The following ADGRB3 variants were observed in gnomAD, a reference collection of about 807,000 sequenced individuals.
ADGRB3 encodes the protein adhesion G protein-coupled receptor B3.
A neutral mutation model predicts 193.4 loss-of-function variants in ADGRB3; 37 were observed. That is an observed-to-expected ratio of 0.19 (90% CI 0.15 to 0.25). The LOEUF (loss-of-function observed/expected upper bound fraction) is 0.25, where lower values mean the gene tolerates loss of function less well. Among genes scored for constraint, ADGRB3 ranks in the 10% least tolerant of loss-of-function variants. ADGRB3 has a pLI of 1.00. For missense variants in ADGRB3, 1,637 were observed against 1,852.9 expected, an observed-to-expected ratio of 0.88 and a Z score of 2.14; for synonymous variants, 690 against 644.2, an observed-to-expected ratio of 1.07 and a Z score of -1.08.
intron 28 of ADGRB3, among the ~76,000 whole-genome samples, chr6:69,359,989 GA>G (rs903053869): frequency 6.0e-5 from 9 of 150,244 alleles, no homozygotes; most frequent in South Asian, 2.1e-4. Flanking sequence ...GGCAAAAAGA[GA>G]AAAAAAAACT....
intron 21 of ADGRB3, 148 bp from the exon 22 acceptor site, chr6:69,327,672 T>C: frequency 2.0e-6 from 1 of 509,272 alleles, no homozygotes. Context: ...TTGAAAGAAA[T>C]CCTGTAATAG....
At chr6:68,817,794 G>T (rs1236927686) in intron 3 of ADGRB3, among the ~76,000 whole-genome samples, 1 of 151,922 alleles carries the variant, frequency 6.6e-6, no homozygotes, top group Non-Finnish European at 1.5e-5. Flanking sequence ...AAAAACAGTG[G>T]TATTGTACAT....
intron 3 of ADGRB3, among the ~76,000 whole-genome samples, chr6:68,913,563 C>A (rs911337736): frequency 6.6e-6 from 1 of 152,072 alleles, no homozygotes; most frequent in African/African-American, 2.4e-5. Flanking sequence ...CATCAAAGAC[C>A]AAAAGTAGAT....
intron 3 of ADGRB3, among the ~76,000 whole-genome samples, chr6:68,836,161 T>C (rs1768042672): frequency 6.6e-6 from 1 of 152,104 alleles, no homozygotes; most frequent in Non-Finnish European, 1.5e-5. Context: ...AGAAATGCCA[T>C]GAAGCTCTTT....
rs1770327265 is a variant in ADGRB3 at position 69,023,385 on chromosome 6, CAT to C, written c.2107+4887_2107+4888del. 3.9e-5 allele frequency among the ~76,000 whole-genome samples: 6 copies of C among 152,184 alleles called. No homozygotes were observed. The South Asian group carries it at 1.2e-3, about 32-fold the overall frequency. On this transcript the variant is annotated intron_variant, in intron 13 of 31. Coordinates refer to ENST00000370598, the MANE Select transcript of ADGRB3 (RefSeq NM_001704.3). Reference sequence around the variant, plus strand: ...AAGAAAAACTTCTTAGAGAAGGAAGCATTTAATGTAGACTTTGAAGAATGGCT... The same window carrying C: ...AAGAAAAACTTCTTAGAGAAGGAAGCTTAATGTAGACTTTGAAGAATGGCT...
chr6:68,797,611 A>G (rs1767236109), intron 3 of ADGRB3, among the ~76,000 whole-genome samples: 2 of 152,116 alleles, frequency 1.3e-5, no homozygotes, highest in Admixed American at 1.3e-4. Context: ...TAGGCCTGGA[A>G]GCTCCTATTT....
chr6:69,275,197 T>C (rs910748867), intron 20 of ADGRB3, among the ~76,000 whole-genome samples: 2 of 152,136 alleles, frequency 1.3e-5, no homozygotes, highest in Admixed American at 1.3e-4. Context: ...CTTCCCAGAA[T>C]CTCACAGATG....
Position 69,343,259 on chromosome 6 carries a change from G to A in ADGRB3, c.3459+3755G>A, listed in dbSNP as rs574589532. On this transcript the variant is annotated intron_variant, in intron 26 of 31. Coordinates refer to ENST00000370598, the MANE Select transcript of ADGRB3 (RefSeq NM_001704.3). ...GCAGGTTAGTTACATATGTATACAT[G>A]TGCCATGCTGGTGCGCTGCACCCAC... Among the ~76,000 whole-genome samples, 37 of 146,436 alleles carry A rather than the reference G, an allele frequency of 2.5e-4. No individual in the cohort carries two copies. The South Asian group carries it at 3.7e-3, about 15-fold the overall frequency.
chr6:68,797,408 A>G (rs55840344), intron 3 of ADGRB3, among the ~76,000 whole-genome samples: 4,346 of 147,244 alleles, frequency 0.03, 102 homozygotes, highest in African/African-American at 0.06. Flanking sequence ...TTTGAAGCCA[A>G]AAAAAAAAAA....
intron 3 of ADGRB3, among the ~76,000 whole-genome samples, chr6:68,853,703 T>C (rs772660570): frequency 8.5e-5 from 13 of 152,086 alleles, no homozygotes; most frequent in Non-Finnish European, 1.5e-4. Context: ...AAAATGTCTT[T>C]GGTAGTAACT....
At chr6:68,974,059 T>C (rs1368439697) in intron 8 of ADGRB3, among the ~76,000 whole-genome samples, 1 of 152,232 alleles carries the variant, frequency 6.6e-6, no homozygotes, top group East Asian at 1.9e-4. Flanking sequence ...AAAAGTTACG[T>C]ATTTTTACTC....
chr6:69,012,576 G>C (rs1769968263), intron 11 of ADGRB3, among the ~76,000 whole-genome samples: 1 of 152,030 alleles, frequency 6.6e-6, no homozygotes, highest in Non-Finnish European at 1.5e-5. Flanking sequence ...GTACAAAAAG[G>C]CTGAAAGAAT....
intron 17 of ADGRB3, among the ~76,000 whole-genome samples, chr6:69,122,813 C>T (rs1364732976): frequency 6.6e-6 from 1 of 151,872 alleles, no homozygotes; most frequent in Non-Finnish European, 1.5e-5. Flanking sequence ...TATGGCAGAA[C>T]AAAGCTGGTT....
chr6:68,743,209 T>C (rs1033819342), intron 3 of ADGRB3, among the ~76,000 whole-genome samples: 9 of 152,060 alleles, frequency 5.9e-5, no homozygotes, highest in Admixed American at 2.6e-4. Flanking sequence ...ATCTGCCAAG[T>C]CTCATCTTTT....
chr6:69,382,807 G>A (rs1328722), intron 30 of ADGRB3, 24 bp from the exon 31 acceptor site: 17,839 of 1,501,918 alleles, frequency 0.012, 302 homozygotes, highest in South Asian at 0.048. Context: ...TTGGGGATGA[G>A]AGCTATCTTG....
At chr6:68,763,614 A>T (rs1766454728) in intron 3 of ADGRB3, among the ~76,000 whole-genome samples, 1 of 152,218 alleles carries the variant, frequency 6.6e-6, no homozygotes, top group African/African-American at 2.4e-5. Context: ...AGATGTTATC[A>T]GAAGTGATGG....
chr6:69,330,607 GGA>G, intron 23 of ADGRB3, 35 bp downstream of exon 23: 1 of 1,500,290 alleles, frequency 6.7e-7, no homozygotes, highest in Non-Finnish European at 8.9e-7. Context: ...TGTTTTCTTA[GGA>G]AAAAAAAAAA....
intron 3 of ADGRB3, among the ~76,000 whole-genome samples, chr6:68,735,624 G>C (rs2127336073): frequency 6.6e-6 from 1 of 152,122 alleles, no homozygotes; most frequent in East Asian, 1.9e-4. Flanking sequence ...TCTAAGTTTT[G>C]AGGTTATAAT....
At chr6:68,883,751 G>C (rs932934623) in intron 3 of ADGRB3, among the ~76,000 whole-genome samples, 2 of 152,104 alleles carry the variant, frequency 1.3e-5, no homozygotes, top group Non-Finnish European at 2.9e-5. Flanking sequence ...AACAAACGCC[G>C]GACACGTCAC....
Sources: allele counts gnomAD v4.1 joint callset (sites outside exome capture counted in the v4.1 genomes callset), GRCh38; gene constraint gnomAD v4.1.1; transcripts MANE v1.5; gene names NCBI Gene and HGNC (gene_info 2026-07-23, HGNC 2026-07-21).